The following CNTNAP2 variants were observed in gnomAD, a reference collection of about 807,000 sequenced individuals.
CNTNAP2 encodes contactin associated protein 2.
Under a neutral mutation model 155.2 loss-of-function variants are expected in CNTNAP2, and 98 were observed. The observed-to-expected ratio is 0.63, with a 90% CI of 0.54 to 0.75. CNTNAP2 has a LOEUF of 0.75. Ranked by LOEUF, CNTNAP2 falls within the 30% of genes least tolerant of loss-of-function variation. The pLI, the probability that CNTNAP2 is intolerant of heterozygous loss-of-function variation, is 0.00. For synonymous variants in CNTNAP2, 651 were observed against 631.2 expected (o/e 1.03, Z -0.47); for missense variants, 1,727 against 1,688.1 (o/e 1.02, Z -0.40).
chr7:147,080,511 T>A (rs1416639539), intron 4 of CNTNAP2, among the ~76,000 whole-genome samples: 2 of 151,734 alleles, frequency 1.3e-5, no homozygotes, highest in African/African-American at 4.8e-5. Context: ...GTCCATAGTT[T>A]CATGTAGTCA....
chr7:146,170,760 G>T (rs951904647), intron 1 of CNTNAP2, among the ~76,000 whole-genome samples: 6 of 152,044 alleles, frequency 3.9e-5, no homozygotes, highest in African/African-American at 1.2e-4. Flanking sequence ...GGGTATGGTG[G>T]CTCACACCTG....
chr7:148,244,202 C>T lies in CNTNAP2; in HGVS notation c.3381+14423C>T, dbSNP rs573591398. Among the ~76,000 whole-genome samples, 20 of 152,204 alleles carry T rather than the reference C, an allele frequency of 1.3e-4. No homozygotes were observed. The South Asian group carries it at 3.7e-3, about 28-fold the overall frequency. ...GGCCAGGTGTTCTGTTTTATTTTGT[C>T]GTTTTGGAGAGCTGTATGTCATCAC... is the stretch of plus-strand genomic sequence containing the variant. On this transcript the variant is annotated intron_variant, in intron 20 of 23. Coordinates refer to ENST00000361727, the MANE Select transcript of CNTNAP2 (RefSeq NM_014141.6).
At chr7:146,721,890 T>TATATATATATATATATA (rs1491454260) in intron 1 of CNTNAP2, among the ~76,000 whole-genome samples, 30 of 75,490 alleles carry the variant, frequency 4.0e-4, no homozygotes, top group African/African-American at 7.1e-4. Flanking sequence ...TATATATATA[T>TATATATATATATATATA]TTTTTTTTTT....
chr7:146,538,110 C>T lies in CNTNAP2; in HGVS notation c.98-236161C>T, dbSNP rs147734787. ...GTAATCATATGAGAGACCATGGTAG[C>T]CTATGCCACAGTAATCGCAACAAAG... On this transcript the variant is annotated intron_variant, in intron 1 of 23. Transcript: ENST00000361727. 7.9e-5 allele frequency among the ~76,000 whole-genome samples: 12 copies of T among 152,108 alleles called. No individual in the cohort carries two copies. The East Asian group carries it at 1.7e-3, about 22-fold the overall frequency.
intron 1 of CNTNAP2, among the ~76,000 whole-genome samples, chr7:146,362,103 A>C (rs1295212350): frequency 6.6e-6 from 1 of 152,170 alleles, no homozygotes; most frequent in African/African-American, 2.4e-5. Context: ...TTTAAAACAC[A>C]GTGCTTTTTC....
At chr7:147,890,492 A>G (rs1311745478) in intron 13 of CNTNAP2, among the ~76,000 whole-genome samples, 1 of 152,206 alleles carries the variant, frequency 6.6e-6, no homozygotes, top group Non-Finnish European at 1.5e-5. Flanking sequence ...TCTACCTGCT[A>G]TGTATTTTTT....
At chr7:148,042,274 C>T (rs1802692612) in intron 15 of CNTNAP2, among the ~76,000 whole-genome samples, 1 of 152,218 alleles carries the variant, frequency 6.6e-6, no homozygotes, top group Non-Finnish European at 1.5e-5. Flanking sequence ...ACTCTTTCAT[C>T]TTGCAAACCC....
At chr7:148,407,784 T>TA (rs1357895844) in intron 22 of CNTNAP2, among the ~76,000 whole-genome samples, 1 of 150,656 alleles carries the variant, frequency 6.6e-6, no homozygotes, top group African/African-American at 2.4e-5. Flanking sequence ...ATCCCCCAGT[T>TA]AAAGACTTGG....
At chr7:146,331,535 A>G (rs1439116113) in intron 1 of CNTNAP2, among the ~76,000 whole-genome samples, 3 of 152,048 alleles carry the variant, frequency 2.0e-5, no homozygotes, top group African/African-American at 7.2e-5. Flanking sequence ...GCTGTTTGGT[A>G]TCTCATCCTC....
chr7:147,413,429 T>C (rs533357828), intron 10 of CNTNAP2, among the ~76,000 whole-genome samples: 1 of 152,212 alleles, frequency 6.6e-6, no homozygotes, highest in South Asian at 2.1e-4. Context: ...TACAGATCAG[T>C]AAGGAAATGA....
chr7:148,192,785 A>C (rs1291226087), intron 18 of CNTNAP2, among the ~76,000 whole-genome samples: 1 of 152,226 alleles, frequency 6.6e-6, no homozygotes, highest in Non-Finnish European at 1.5e-5. Context: ...AAAGTTCAGC[A>C]ATTCCTTTAG....
intron 13 of CNTNAP2, among the ~76,000 whole-genome samples, chr7:147,677,618 T>TC (rs1163985615): frequency 6.6e-6 from 1 of 151,804 alleles, no homozygotes; most frequent in African/African-American, 2.4e-5. Flanking sequence ...AGCTTTTTTT[T>TC]CTATGGTTTT....
intron 15 of CNTNAP2, among the ~76,000 whole-genome samples, chr7:148,009,879 T>G (rs1802046336): frequency 2.0e-5 from 3 of 152,136 alleles, no homozygotes. Flanking sequence ...CTTTCAGTTT[T>G]TTATTTTTGC....
At chr7:147,609,641 A>G (rs2116874664) in intron 12 of CNTNAP2, among the ~76,000 whole-genome samples, 1 of 152,176 alleles carries the variant, frequency 6.6e-6, no homozygotes, top group East Asian at 1.9e-4. Flanking sequence ...TGCTATAGGA[A>G]AAAATAGAGG....
At chr7:146,363,420 G>A (rs1465325855) in intron 1 of CNTNAP2, among the ~76,000 whole-genome samples, 1 of 152,158 alleles carries the variant, frequency 6.6e-6, no homozygotes, top group Non-Finnish European at 1.5e-5. Context: ...GAGTTCATGG[G>A]AACAGATTAT....
intron 18 of CNTNAP2, among the ~76,000 whole-genome samples, chr7:148,179,006 G>T (rs1171757902): frequency 6.6e-6 from 1 of 152,140 alleles, no homozygotes; most frequent in Non-Finnish European, 1.5e-5. Context: ...CTTAATTTTG[G>T]TCACAGTAAA....
chr7:147,148,561 G>T (rs937033757), intron 8 of CNTNAP2, among the ~76,000 whole-genome samples: 1 of 152,210 alleles, frequency 6.6e-6, no homozygotes, highest in Non-Finnish European at 1.5e-5. Flanking sequence ...CTTCGAGAAT[G>T]AAGCTGCGGA....
At chr7:146,881,776 A>C (rs1164356304) in intron 3 of CNTNAP2, among the ~76,000 whole-genome samples, 1 of 48,514 alleles carries the variant, frequency 2.1e-5, no homozygotes, top group Non-Finnish European at 4.4e-5. Context: ...TTTTTTTTTT[A>C]CAAAATATAA....
chr7:146,541,908 T>C lies in CNTNAP2; in HGVS notation c.98-232363T>C, dbSNP rs2129141175. Among the ~76,000 whole-genome samples the C allele has an allele frequency of 1.3e-5, 2 of 152,182 alleles. 1 individual carries two copies. The highest frequency in any genetic ancestry group is 6.8e-3 in the Middle Eastern group (2 of 294). On this transcript the variant is annotated intron_variant, in intron 1 of 23. Coordinates refer to ENST00000361727, the MANE Select transcript of CNTNAP2 (RefSeq NM_014141.6). ...AATATTCTTGAATTTCCCATATTGT[T>C]AATTTAATGTTCTTAGTAACAAAAA...
Sources: allele counts gnomAD v4.1 joint callset (sites outside exome capture counted in the v4.1 genomes callset), GRCh38; gene constraint gnomAD v4.1.1; transcripts MANE v1.5; gene names NCBI Gene and HGNC (gene_info 2026-07-23, HGNC 2026-07-21).